The following HIVEP3 variants were observed in gnomAD, a reference collection of about 807,000 sequenced individuals.
HIVEP3 encodes the protein HIVEP zinc finger 3.
A neutral mutation model predicts 152.8 loss-of-function variants in HIVEP3; 49 were observed. The observed-to-expected ratio is 0.32, with a 90% CI of 0.26 to 0.41. The LOEUF is 0.41. HIVEP3 is among the 10% of genes least tolerant of loss of function. The pLI, the probability that HIVEP3 is intolerant of heterozygous loss-of-function variation, is 1.00. For missense variants in HIVEP3, 2,790 were observed against 3,103.3 expected (o/e 0.90, Z 2.40); for synonymous variants, 1,269 against 1,289.0 (o/e 0.98, Z 0.33).
chr1:41,565,527 G>GACACACAC (rs56139506), intron 5 of HIVEP3, among the ~76,000 whole-genome samples: 9 of 137,276 alleles, frequency 6.6e-5, no homozygotes, highest in African/African-American at 2.3e-4. Context: ...AAAACTGAAA[G>GACACACAC]ACACACACAC....
intron 1 of HIVEP3, among the ~76,000 whole-genome samples, chr1:41,924,251 C>T: frequency 6.6e-6 from 1 of 152,138 alleles, no homozygotes; most frequent in East Asian, 1.9e-4. Flanking sequence ...AATGGATTCT[C>T]CCCTGAGCCT....
intron 1 of HIVEP3, among the ~76,000 whole-genome samples, chr1:41,888,076 C>T (rs1040735912): frequency 1.3e-5 from 2 of 149,062 alleles, no homozygotes; most frequent in African/African-American, 5.0e-5. Context: ...GTCTCTGTCG[C>T]CCAGGCTGGA....
chr1:41,629,761 A>G (rs1366682748), intron 2 of HIVEP3, among the ~76,000 whole-genome samples: 3 of 152,210 alleles, frequency 2.0e-5, no homozygotes, highest in Non-Finnish European at 4.4e-5. Flanking sequence ...TATTACTAAA[A>G]AGGCAAAAAA....
chr1:41,912,374 T>C (rs1460268776), intron 1 of HIVEP3, among the ~76,000 whole-genome samples: 3 of 152,214 alleles, frequency 2.0e-5, no homozygotes, highest in African/African-American at 7.2e-5. Flanking sequence ...TTTCAAAAGA[T>C]GGTCACAACA....
At chr1:41,750,142 A>C (rs997288738) in intron 1 of HIVEP3, among the ~76,000 whole-genome samples, 1 of 152,132 alleles carries the variant, frequency 6.6e-6, no homozygotes, top group Admixed American at 6.5e-5. Flanking sequence ...ACGTTGCCTA[A>C]AACTCTCTAG....
At chr1:41,848,959 C>T (rs1643519106) in intron 1 of HIVEP3, 1 of 152,384 alleles carries the variant, frequency 6.6e-6, no homozygotes, top group Non-Finnish European at 1.5e-5. Context: ...CCAGTGTCCT[C>T]AACCTCTGGC....
intron 2 of HIVEP3, among the ~76,000 whole-genome samples, chr1:41,672,325 C>T (rs1645890293): frequency 6.6e-6 from 1 of 152,236 alleles, no homozygotes; most frequent in African/African-American, 2.4e-5. Context: ...CATCACCTCC[C>T]ACCCTTCTGA....
rs72963268 is a variant in HIVEP3, at chr1:41,873,666, C to A, written c.-801+44747G>T. On this transcript the variant is annotated intron_variant, in intron 1 of 8. Coordinates refer to ENST00000372583, the MANE Select transcript of HIVEP3 (RefSeq NM_024503.5). The surrounding 1 kb of genome is among the most constrained non-coding windows in gnomAD (Gnocchi z 4.2). Reference sequence around the variant, plus strand: ...TTTATCTTGGTTTCTGAGGGAGAATCAATTCTCTTTAACTCTCTTCCAGAA... The same window carrying A: ...TTTATCTTGGTTTCTGAGGGAGAATAAATTCTCTTTAACTCTCTTCCAGAA... Among the ~76,000 whole-genome samples, 1,819 of 152,260 alleles carry A rather than the reference C, an allele frequency of 0.012. 27 individuals are homozygous for A. The highest frequency in any genetic ancestry group is 0.041 in the African/African-American group (1,698 of 41,548).
intron 5 of HIVEP3, among the ~76,000 whole-genome samples, chr1:41,551,182 T>C (rs1558053602): frequency 6.6e-6 from 1 of 152,254 alleles, no homozygotes; most frequent in Non-Finnish European, 1.5e-5. Context: ...TTATATTTAT[T>C]GATTTGTGTA....
At chr1:41,632,020 C>T (rs58920451) in intron 2 of HIVEP3, among the ~76,000 whole-genome samples, 2 of 152,280 alleles carry the variant, frequency 1.3e-5, no homozygotes, top group East Asian at 3.9e-4. Flanking sequence ...GTTCAGCTAG[C>T]TCCCATAAAA....
chr1:41,580,814 C>A lies in HIVEP3; in HGVS notation c.3984G>T (p.Pro1328=). 1 of 1,580,224 alleles carries A rather than the reference C, an allele frequency of 6.3e-7. No homozygotes were observed. The highest frequency in any genetic ancestry group is 8.6e-7 in the Non-Finnish European group (1 of 1,162,934). ...TGGTGTACATTGCGCTCCCATAGGA[C>A]GGCATATTGGTCTGAACACGGACAG... The part of the protein sequence containing the change: ...VVPVRVQTNM[P]SYGSAMYTTL... The change falls in exon 4 of 9, where the codon CCG becomes CCT. Residue 1328 remains proline, a synonymous_variant. Transcript: ENST00000372583.
intron 2 of HIVEP3, among the ~76,000 whole-genome samples, chr1:41,658,991 C>A (rs1310398386): frequency 6.6e-6 from 1 of 152,146 alleles, no homozygotes; most frequent in Non-Finnish European, 1.5e-5. Flanking sequence ...TAGAGGGCAG[C>A]CCCGCCCCAC....
intron 1 of HIVEP3, among the ~76,000 whole-genome samples, chr1:41,981,851 TC>T (rs1460181563): frequency 6.6e-6 from 1 of 152,186 alleles, no homozygotes; most frequent in Non-Finnish European, 1.5e-5. Context: ...TGTGGGCACT[TC>T]AGTCTCGTGG....
rs148325448 is a variant in HIVEP3 at position 41,763,295 on chromosome 1, A to C, written c.-800-62300T>G. On this transcript the variant is annotated intron_variant, in intron 1 of 8. Transcript: ENST00000372583. ...GGGCTGGCAACTGAAGAGAGCCTGG[A>C]ATCCTGGGGCAAGCACTATGCCCAG... Among the ~76,000 whole-genome samples the C allele has an allele frequency of 7.4e-3, 1,122 of 152,310 alleles. 8 individuals carry two copies. Among genetic ancestry groups the C allele is most frequent in the African/African-American group, 0.024 (983 of 41,574 alleles).
intron 1 of HIVEP3, among the ~76,000 whole-genome samples, chr1:41,722,912 T>C (rs1198079367): frequency 6.6e-6 from 1 of 152,020 alleles, no homozygotes; most frequent in Non-Finnish European, 1.5e-5. Context: ...GAGAGAGAGA[T>C]GCATGTGTGT....
intron 1 of HIVEP3, among the ~76,000 whole-genome samples, chr1:41,735,507 G>C (rs892081110): frequency 6.6e-6 from 1 of 152,204 alleles, no homozygotes; most frequent in African/African-American, 2.4e-5. Context: ...TCAGGTCACA[G>C]AGGTCAGTGT....
intron 1 of HIVEP3, among the ~76,000 whole-genome samples, chr1:41,814,532 A>AGT (rs1239993004): frequency 6.6e-6 from 1 of 152,254 alleles, no homozygotes; most frequent in Non-Finnish European, 1.5e-5. Context: ...CCCTAAGGCT[A>AGT]GTGCCTGCCA....
intron 1 of HIVEP3, among the ~76,000 whole-genome samples, chr1:41,849,610 T>C (rs1033099712): frequency 2.0e-5 from 3 of 152,180 alleles, no homozygotes; most frequent in African/African-American, 7.2e-5. Context: ...AAACATCTTA[T>C]TGCAATATTT....
intron 2 of HIVEP3, among the ~76,000 whole-genome samples, chr1:41,658,195 C>T (rs1645657354): frequency 6.6e-6 from 1 of 152,190 alleles, no homozygotes; most frequent in Non-Finnish European, 1.5e-5. Flanking sequence ...AACTCAAAAC[C>T]GCTGAGACCT....
Sources: allele counts gnomAD v4.1 joint callset (sites outside exome capture counted in the v4.1 genomes callset), GRCh38; gene constraint gnomAD v4.1.1; non-coding constraint Gnocchi (gnomAD v3.1); transcripts MANE v1.5; gene names NCBI Gene and HGNC (gene_info 2026-07-23, HGNC 2026-07-21).